SIPA1L1: variants seen among roughly 807,000 people sequenced by gnomAD.
SIPA1L1 encodes the protein signal induced proliferation associated 1 like 1.
Under a neutral mutation model 162.7 loss-of-function variants are expected in SIPA1L1, and 26 were observed. That is an observed-to-expected ratio of 0.16 (90% CI 0.12 to 0.22). SIPA1L1 has a LOEUF of 0.22. Ranked by LOEUF, SIPA1L1 falls within the 10% of genes least tolerant of loss-of-function variation. The pLI, the probability that SIPA1L1 is intolerant of heterozygous loss-of-function variation, is 1.00. For synonymous variants in SIPA1L1, 829 were observed against 837.4 expected, an observed-to-expected ratio of 0.99 and a Z score of 0.17; for missense variants, 1,874 against 2,241.0, an observed-to-expected ratio of 0.84 and a Z score of 3.31.
At chr14:71,643,452 A>G (rs1014602286) in intron 7 of SIPA1L1, among the ~76,000 whole-genome samples, 2 of 152,244 alleles carry the variant, frequency 1.3e-5, no homozygotes, top group African/African-American at 4.8e-5. Flanking sequence ...TTACCACATT[A>G]CAATCAAAAC....
intron 17 of SIPA1L1, among the ~76,000 whole-genome samples, chr14:71,717,043 G>A (rs1427165641): frequency 1.3e-5 from 2 of 152,192 alleles, no homozygotes; most frequent in African/African-American, 4.8e-5. Flanking sequence ...GGGACTACAG[G>A]TGCATGCCTT....
At chr14:71,468,044 G>C (rs905774154) in intron 2 of SIPA1L1, among the ~76,000 whole-genome samples, 51 of 145,584 alleles carry the variant, frequency 3.5e-4, no homozygotes, top group Middle Eastern at 3.6e-3. Context: ...GTGTGTGTGT[G>C]TGTCTGTCTG....
At chr14:71,627,707 A>G (rs888764952) in intron 7 of SIPA1L1, among the ~76,000 whole-genome samples, 1 of 152,080 alleles carries the variant, frequency 6.6e-6, no homozygotes, top group Non-Finnish European at 1.5e-5. Context: ...CCTCACAGCA[A>G]CCCTGTGCAA....
At chr14:71,621,513 C>G (rs998295916) in intron 6 of SIPA1L1, among the ~76,000 whole-genome samples, 1 of 152,198 alleles carries the variant, frequency 6.6e-6, no homozygotes, top group Non-Finnish European at 1.5e-5. Context: ...TGCCTCATCT[C>G]CATTTGGCCT....
At chr14:71,484,721 C>T (rs2048614377) in intron 2 of SIPA1L1, among the ~76,000 whole-genome samples, 1 of 152,124 alleles carries the variant, frequency 6.6e-6, no homozygotes, top group Non-Finnish European at 1.5e-5. Flanking sequence ...AGGAATTCAG[C>T]AGTTATTGTC....
At chr14:71,411,439 C>T (rs1053747670) in intron 2 of SIPA1L1, among the ~76,000 whole-genome samples, 1 of 152,076 alleles carries the variant, frequency 6.6e-6, no homozygotes, top group Non-Finnish European at 1.5e-5. Context: ...TGTCCTTGAA[C>T]CTGTCATTAT....
At chr14:71,429,701 A>C (rs1423659095) in intron 2 of SIPA1L1, among the ~76,000 whole-genome samples, 2 of 152,216 alleles carry the variant, frequency 1.3e-5, no homozygotes, top group Non-Finnish European at 2.9e-5. Flanking sequence ...TTCCATCAGC[A>C]GAGGATAGGT....
chr14:71,436,276 A>G (rs1250978034), intron 2 of SIPA1L1, among the ~76,000 whole-genome samples: 1 of 152,112 alleles, frequency 6.6e-6, no homozygotes, highest in Non-Finnish European at 1.5e-5. Context: ...ATATGAATTT[A>G]TTTTTGGATC....
chr14:71,350,886 T>A (rs2036635241), intron 2 of SIPA1L1, among the ~76,000 whole-genome samples: 1 of 152,198 alleles, frequency 6.6e-6, no homozygotes, highest in African/African-American at 2.4e-5. Context: ...ATATGGGTAT[T>A]AGGTGGATTT....
At chr14:71,705,431 G>A in intron 16 of SIPA1L1, 91 bp downstream of exon 16, 1 of 940,638 alleles carries the variant, frequency 1.1e-6, no homozygotes, top group Non-Finnish European at 1.7e-6. Context: ...CCTCTGCATG[G>A]CCAAAGAGGA....
At chr14:71,478,299 A>C (rs912716980) in intron 2 of SIPA1L1, among the ~76,000 whole-genome samples, 2 of 151,976 alleles carry the variant, frequency 1.3e-5, no homozygotes, top group African/African-American at 4.8e-5. Flanking sequence ...GTGATTTGCA[A>C]ATTTTTTTCC....
chr14:71,610,660 A>G (rs1042870415), intron 5 of SIPA1L1, among the ~76,000 whole-genome samples: 1 of 152,206 alleles, frequency 6.6e-6, no homozygotes, highest in Non-Finnish European at 1.5e-5. Context: ...TTTTTTATGT[A>G]CAGAAAAGTT....
In SIPA1L1 at chr14:71,430,994, T is replaced by C. The variant is rs551264321; in HGVS notation, c.-464-81749T>C. On this transcript the variant is annotated intron_variant, in intron 2 of 23. Coordinates refer to ENST00000381232, the MANE Select transcript of SIPA1L1 (RefSeq NM_001386936.1). ...CTATATAGATATACATATACACTTA[T>C]ATTTTTTGTTATTTAGGGAAAAAAA... 5.3e-5 allele frequency among the ~76,000 whole-genome samples: 8 copies of C among 152,268 alleles called. No individual in the cohort carries two copies. In the South Asian group the frequency reaches 1.7e-3, roughly 32 times the overall value.
At chr14:71,603,310 A>G in intron 5 of SIPA1L1, among the ~76,000 whole-genome samples, 1 of 152,076 alleles carries the variant, frequency 6.6e-6, no homozygotes. Flanking sequence ...GCCGATCTAT[A>G]TCTTTTCTGT....
intron 2 of SIPA1L1, among the ~76,000 whole-genome samples, chr14:71,374,415 A>G (rs564500762): frequency 6.6e-6 from 1 of 152,038 alleles, no homozygotes; most frequent in African/African-American, 2.4e-5. Flanking sequence ...TTTTCTTGAT[A>G]GAGCCTTCAA....
intron 17 of SIPA1L1, among the ~76,000 whole-genome samples, chr14:71,710,187 G>A (rs2082761214): frequency 6.6e-6 from 1 of 152,176 alleles, no homozygotes; most frequent in Non-Finnish European, 1.5e-5. Flanking sequence ...TGGCAGCAAT[G>A]GGTTGAGAGT....
intron 7 of SIPA1L1, among the ~76,000 whole-genome samples, chr14:71,646,418 C>T (rs1479016883): frequency 1.3e-5 from 2 of 152,150 alleles, no homozygotes; most frequent in East Asian, 1.9e-4. Context: ...CCTCATGAGC[C>T]ACCCGCCTCG....
At chr14:71,736,245 A>C (rs2152863912) in intron 22 of SIPA1L1, among the ~76,000 whole-genome samples, 1 of 151,768 alleles carries the variant, frequency 6.6e-6, no homozygotes, top group Admixed American at 6.5e-5. Context: ...AAAATACAAA[A>C]AATTATCTGG....
chr14:71,653,386 A>G, intron 8 of SIPA1L1, among the ~76,000 whole-genome samples: 1 of 152,162 alleles, frequency 6.6e-6, no homozygotes, highest in East Asian at 1.9e-4. Context: ...TATGCAGCTT[A>G]CTGTCCAACT....
Sources: gnomAD v4.1 joint callset for allele counts (sites outside exome capture counted in the v4.1 genomes callset) on GRCh38, gnomAD v4.1.1 for gene constraint, MANE v1.5 for transcripts, NCBI Gene and HGNC (gene_info 2026-07-23, HGNC 2026-07-21) for gene names.